ACSL3: variants seen among roughly 807,000 people sequenced by gnomAD.
ACSL3 encodes the protein acyl-CoA synthetase long chain family member 3, also known as fatty acid CoA ligase Acsl3.
A neutral mutation model predicts 84.7 loss-of-function variants in ACSL3; 34 were observed. That is an observed-to-expected ratio of 0.40 (90% CI 0.31 to 0.53). The LOEUF (loss-of-function observed/expected upper bound fraction) is 0.53. ACSL3 is among the 20% of genes least tolerant of loss of function. The pLI is 0.48. For synonymous variants in ACSL3, 315 were observed against 299.4 expected (o/e 1.05, Z -0.54); for missense variants, 680 against 873.1 (o/e 0.78, Z 2.79).
chr2:222,940,412 G>GT (rs1234575636), intron 16 of ACSL3, among the ~76,000 whole-genome samples: 1 of 151,752 alleles, frequency 6.6e-6, no homozygotes, highest in Non-Finnish European at 1.5e-5. Flanking sequence ...TTATAGCTTG[G>GT]TATGTATCCT....
chr2:222,923,229 AT>A, intron 10 of ACSL3, 80 bp downstream of exon 10: 1 of 1,171,960 alleles, frequency 8.5e-7, no homozygotes, highest in South Asian at 1.3e-5. Context: ...TGAAAAATAT[AT>A]TGTTGACAAG....
chr2:222,863,117 G>C (rs1695054531), intron 1 of ACSL3, among the ~76,000 whole-genome samples: 2 of 152,192 alleles, frequency 1.3e-5, no homozygotes, highest in African/African-American at 4.8e-5. Context: ...CTTATTAGGT[G>C]CTGGGAATAC....
At chr2:222,930,947 G>A (rs1029766659) in intron 14 of ACSL3, 135 bp downstream of exon 14, 4 of 744,584 alleles carry the variant, frequency 5.4e-6, no homozygotes, top group Non-Finnish European at 8.3e-6. Flanking sequence ...ATCACTCCTG[G>A]AATATAAAAT....
intron 1 of ACSL3, among the ~76,000 whole-genome samples, chr2:222,880,842 A>AAC (rs1695574960): frequency 1.3e-5 from 2 of 151,518 alleles, no homozygotes; most frequent in African/African-American, 4.9e-5. Flanking sequence ...AAAAAAAAAA[A>AAC]AAACAAAAAA....
At chr2:222,873,413 A>T (rs1695358303) in intron 1 of ACSL3, among the ~76,000 whole-genome samples, 1 of 152,226 alleles carries the variant, frequency 6.6e-6, no homozygotes, top group Non-Finnish European at 1.5e-5. Context: ...TGTTTAAAAG[A>T]TCATAAATTG....
intron 2 of ACSL3, among the ~76,000 whole-genome samples, chr2:222,894,992 A>C (rs996415888): frequency 6.6e-6 from 1 of 152,004 alleles, no homozygotes; most frequent in African/African-American, 2.4e-5. Context: ...TACTAGTTGC[A>C]GTTAACTACT....
rs1410277238 is a variant in ACSL3, at chr2:222,942,192, AATAAATATACCC to A, written c.*542_*553del. ...TATTGTCTTGTATGCATTTGAGAGA[AATAAATATACCC>A]ATACTTATGTTTTAAGAAGTTGAGA... On this transcript the variant is annotated 3_prime_UTR_variant, in exon 17 of 17. Coordinates refer to ENST00000357430, the MANE Select transcript of ACSL3 (RefSeq NM_004457.5). 2 of 194,110 alleles carry A rather than the reference AATAAATATACCC, an allele frequency of 1.0e-5. No homozygotes were observed. The highest frequency in any genetic ancestry group is 4.6e-5 in the African/African-American group (2 of 43,218). The allele number at this position is 194,110 out of a possible 1,614,324, so 12.0% of individuals were successfully genotyped here. A position where few individuals can be genotyped will look rare whatever the true frequency, so the allele number is the denominator to read the frequency against.
chr2:222,872,290 AATTTTTTGT>A (rs1695325644), intron 1 of ACSL3, among the ~76,000 whole-genome samples: 1 of 151,762 alleles, frequency 6.6e-6, no homozygotes, highest in African/African-American at 2.4e-5. Flanking sequence ...ACGCCCGGCT[AATTTTTTGT>A]ATTTTTAGTA....
rs78077983 is a variant in ACSL3, at chr2:222,881,308, T to TG, written c.-206-6521dup. On this transcript the variant is annotated intron_variant, in intron 1 of 16. Transcript: ENST00000357430. ...CACGTTTCAGGTGTGCAGTGGCACT[T>TG]GCGGTTACCGCATTGGACAGCATAG... Among the ~76,000 whole-genome samples the TG allele has an allele frequency of 6.1e-4, 93 of 152,380 alleles. No homozygotes were observed. The East Asian group carries it at 0.015, about 25-fold the overall frequency.
intron 7 of ACSL3, among the ~76,000 whole-genome samples, chr2:222,920,690 C>T (rs1339985349): frequency 6.6e-6 from 1 of 152,154 alleles, no homozygotes; most frequent in African/African-American, 2.4e-5. Context: ...TAACATACTC[C>T]TGTTCAAAAC....
At chr2:222,912,913 C>G (rs1259765026) in intron 4 of ACSL3, among the ~76,000 whole-genome samples, 1 of 152,220 alleles carries the variant, frequency 6.6e-6, no homozygotes, top group Non-Finnish European at 1.5e-5. Flanking sequence ...GTGTCAGCAT[C>G]ACCTGATTCC....
At chr2:222,919,273 T>G (rs1485766940) in intron 7 of ACSL3, 71 bp downstream of exon 7, 1 of 1,563,022 alleles carries the variant, frequency 6.4e-7, no homozygotes, top group South Asian at 1.2e-5. Context: ...ATGCCAAAGT[T>G]TTGATTCTGA....
chr2:222,892,391 A>G (rs906310096), intron 2 of ACSL3, among the ~76,000 whole-genome samples: 3 of 152,318 alleles, frequency 2.0e-5, no homozygotes, highest in Non-Finnish European at 1.5e-5. Context: ...CTGAGAAGCA[A>G]ACATGTTTGT....
At chr2:222,874,211 G>T (rs918370031) in intron 1 of ACSL3, among the ~76,000 whole-genome samples, 5 of 151,982 alleles carry the variant, frequency 3.3e-5, no homozygotes, top group African/African-American at 1.2e-4. Flanking sequence ...TTTTAGTAGA[G>T]ACCAGGCTTC....
At chr2:222,917,888 G>A (rs1696625935) in intron 5 of ACSL3, 158 bp from the exon 6 acceptor site, 2 of 453,608 alleles carry the variant, frequency 4.4e-6, no homozygotes, top group Non-Finnish European at 7.8e-6. Flanking sequence ...ATGTTGATTA[G>A]TATGATAAGA....
chr2:222,910,784 T>TA (rs1696421034), intron 4 of ACSL3, among the ~76,000 whole-genome samples: 1 of 152,212 alleles, frequency 6.6e-6, no homozygotes, highest in Non-Finnish European at 1.5e-5. Context: ...AGTGCCCCCT[T>TA]ACAGTCTCAA....
chr2:222,893,575 AC>A (rs1167303992), intron 2 of ACSL3, among the ~76,000 whole-genome samples: 1 of 152,170 alleles, frequency 6.6e-6, no homozygotes, highest in Non-Finnish European at 1.5e-5. Flanking sequence ...ACCATTTGAT[AC>A]GTTAGTCTGA....
At chr2:222,884,940 C>G (rs1185570435) in intron 1 of ACSL3, among the ~76,000 whole-genome samples, 1 of 152,206 alleles carries the variant, frequency 6.6e-6, no homozygotes, top group Non-Finnish European at 1.5e-5. Context: ...AGACAAAAGG[C>G]TGCAATTGCC....
chr2:222,924,446 A>G lies in ACSL3; in HGVS notation c.1153-10A>G. 1.3e-6 allele frequency: 2 copies of G among 1,588,612 alleles called. No individual in the cohort carries two copies. Among genetic ancestry groups the G allele is most frequent in the South Asian group, 2.3e-5 (2 of 85,380 alleles). On this transcript the variant is annotated splice_polypyrimidine_tract_variant and intron_variant, in intron 10 of 16. Coordinates refer to ENST00000357430, the MANE Select transcript of ACSL3 (RefSeq NM_004457.5). Reference sequence around the variant, plus strand: ...TATTAACTATGTTAAACTCATTTTTATACATTTAGGAAATCATGGATCGGA... The same window carrying G: ...TATTAACTATGTTAAACTCATTTTTGTACATTTAGGAAATCATGGATCGGA...
Sources: gnomAD v4.1 joint callset for allele counts (sites outside exome capture counted in the v4.1 genomes callset) on GRCh38, gnomAD v4.1.1 for gene constraint, MANE v1.5 for transcripts, NCBI Gene and HGNC (gene_info 2026-07-23, HGNC 2026-07-21) for gene names.